The following RAB31 variants were observed in gnomAD, a reference collection of about 807,000 sequenced individuals.
RAB31 encodes the protein ras-related protein Rab-31.
In RAB31, 21 loss-of-function variants were observed where a neutral mutation model predicts 25.6. That is an observed-to-expected ratio of 0.82 (90% CI 0.58 to 1.18). RAB31 has a LOEUF of 1.18. Among genes scored for constraint, RAB31 ranks in the 50% most tolerant of loss-of-function variants. The pLI is 0.00. For synonymous variants in RAB31, 87 were observed against 84.0 expected (o/e 1.04, Z -0.20); for missense variants, 196 against 250.1 (o/e 0.78, Z 1.46).
chr18:9,768,226 G>A (rs1048383514), intron 1 of RAB31, among the ~76,000 whole-genome samples: 3 of 152,178 alleles, frequency 2.0e-5, no homozygotes, highest in Non-Finnish European at 2.9e-5. Context: ...AACCAGTCAT[G>A]GGATTGCTGG....
chr18:9,721,266 G>T (rs747183292), intron 1 of RAB31, among the ~76,000 whole-genome samples: 5 of 152,134 alleles, frequency 3.3e-5, no homozygotes, highest in Non-Finnish European at 5.9e-5. Flanking sequence ...CAACGTTAAC[G>T]TCATTAATAC....
At chr18:9,782,546 C>G (rs1381901392) in intron 2 of RAB31, among the ~76,000 whole-genome samples, 1 of 152,170 alleles carries the variant, frequency 6.6e-6, no homozygotes, top group Non-Finnish European at 1.5e-5. Flanking sequence ...GTGTGTGTCT[C>G]CCTTTTTATT....
chr18:9,795,800 A>G (rs942187104), intron 3 of RAB31, among the ~76,000 whole-genome samples: 3 of 152,244 alleles, frequency 2.0e-5, no homozygotes, highest in African/African-American at 7.2e-5. Context: ...GTAAACTAGT[A>G]TAACCACTGT....
chr18:9,784,749 T>C (rs1462796835), intron 2 of RAB31, among the ~76,000 whole-genome samples: 1 of 151,872 alleles, frequency 6.6e-6, no homozygotes, highest in Non-Finnish European at 1.5e-5. Context: ...GACGTGGTTT[T>C]GCCATGTTGG....
intron 3 of RAB31, among the ~76,000 whole-genome samples, chr18:9,795,504 T>C (rs1023304525): frequency 6.6e-6 from 1 of 151,824 alleles, no homozygotes; most frequent in African/African-American, 2.4e-5. Context: ...AGGACTAATA[T>C]CCAGATCTAC....
intron 1 of RAB31, among the ~76,000 whole-genome samples, chr18:9,747,637 A>G (rs2068212364): frequency 6.6e-6 from 1 of 152,246 alleles, no homozygotes. Flanking sequence ...GATTCCTTTC[A>G]TAGGGCTTGT....
intron 2 of RAB31, among the ~76,000 whole-genome samples, chr18:9,783,329 C>T (rs1375030785): frequency 1.3e-5 from 2 of 152,182 alleles, no homozygotes; most frequent in Admixed American, 1.3e-4. Flanking sequence ...GGCCACTGCA[C>T]TCTTCTTTCA....
chr18:9,760,512 T>A (rs558563094), intron 1 of RAB31, among the ~76,000 whole-genome samples: 1 of 152,306 alleles, frequency 6.6e-6, no homozygotes, highest in East Asian at 1.9e-4. Context: ...TCACTCTTTT[T>A]AAAGAAATTC....
At chr18:9,761,755 A>T (rs933923414) in intron 1 of RAB31, among the ~76,000 whole-genome samples, 1 of 152,228 alleles carries the variant, frequency 6.6e-6, no homozygotes, top group Non-Finnish European at 1.5e-5. Context: ...GCAAGCAGGC[A>T]AAAGGGAGAG....
At position 9,815,288 on chromosome 18, in the gene RAB31, A is replaced by G. The variant is rs918661053; in HGVS notation, c.380+66A>G. 54 of 1,056,854 alleles carry G rather than the reference A, an allele frequency of 5.1e-5. 2 individuals are homozygous for G. The Admixed American group carries it at 5.6e-4, about 11-fold the overall frequency. 65.5% of individuals were successfully genotyped at this position (1,056,854 alleles called of 1,614,324 possible). On this transcript the variant is annotated intron_variant, in intron 5 of 6. Coordinates refer to ENST00000578921, the MANE Select transcript of RAB31 (RefSeq NM_006868.4). Reference sequence around the variant, plus strand: ...CCATCCCTGAGTGTCATCCGTGTAGATACTGTCCTCCATCCCTGAGTGTCA... The same window carrying G: ...CCATCCCTGAGTGTCATCCGTGTAGGTACTGTCCTCCATCCCTGAGTGTCA...
At chr18:9,850,299 T>C (rs1383113235) in intron 6 of RAB31, among the ~76,000 whole-genome samples, 2 of 152,180 alleles carry the variant, frequency 1.3e-5, no homozygotes, top group African/African-American at 4.8e-5. Context: ...TTATTATTTT[T>C]TTATTTTTAG....
intron 1 of RAB31, among the ~76,000 whole-genome samples, chr18:9,741,372 G>T (rs1347061102): frequency 6.2e-5 from 5 of 80,268 alleles, no homozygotes; most frequent in Admixed American, 1.9e-4. Flanking sequence ...GTAAAACTCC[G>T]TCTCAAAAAA....
chr18:9,841,512 CT>C (rs1223523233), intron 5 of RAB31, among the ~76,000 whole-genome samples: 1 of 132,308 alleles, frequency 7.6e-6, no homozygotes, highest in Non-Finnish European at 1.5e-5. Context: ...GCACTCCAGC[CT>C]GGGCGATAGA....
chr18:9,724,292 A>AAAAAAAAAAC (rs2068087266), intron 1 of RAB31, among the ~76,000 whole-genome samples: 1 of 143,480 alleles, frequency 7.0e-6, no homozygotes, highest in Non-Finnish European at 1.5e-5. Context: ...AAAAAACAAA[A>AAAAAAAAAAC]AAAAAACATT....
At chr18:9,815,016 A>G in intron 4 of RAB31, 100 bp from the exon 5 acceptor site, 2 of 851,156 alleles carry the variant, frequency 2.3e-6, no homozygotes, top group Admixed American at 5.4e-5. Context: ...TCTCCTAAAA[A>G]TATTTTTCTC....
intron 2 of RAB31, among the ~76,000 whole-genome samples, chr18:9,778,890 G>C (rs908892269): frequency 2.0e-5 from 3 of 152,150 alleles, no homozygotes; most frequent in African/African-American, 7.2e-5. Context: ...ATTATATACT[G>C]TATTCTTACA....
intron 1 of RAB31, among the ~76,000 whole-genome samples, chr18:9,723,896 G>A (rs986638655): frequency 6.6e-5 from 10 of 152,226 alleles, no homozygotes; most frequent in Non-Finnish European, 8.8e-5. Context: ...ACCTCCCAAC[G>A]CTATTACACT....
chr18:9,813,760 G>A (rs1446491888), intron 3 of RAB31, among the ~76,000 whole-genome samples: 1 of 152,164 alleles, frequency 6.6e-6, no homozygotes, highest in Non-Finnish European at 1.5e-5. Flanking sequence ...GCCAAGGCAT[G>A]AGAATCGCTT....
At position 9,731,771 on chromosome 18, in the gene RAB31, T is replaced by C. The variant is rs549394159; in HGVS notation, c.39+23327T>C. Among the ~76,000 whole-genome samples, 8 of 152,154 alleles carry C rather than the reference T, an allele frequency of 5.3e-5. No homozygotes were observed. The South Asian group carries it at 1.7e-3, about 32-fold the overall frequency. ...GCACCACGCCCAGCTGATTTTTGTA[T>C]TTTTAGTACAGACAGGGTTTTGCCA... On this transcript the variant is annotated intron_variant, in intron 1 of 6. Transcript: ENST00000578921.
Sources: gnomAD v4.1 joint callset for allele counts (sites outside exome capture counted in the v4.1 genomes callset) on GRCh38, gnomAD v4.1.1 for gene constraint, MANE v1.5 for transcripts, NCBI Gene and HGNC (gene_info 2026-07-23, HGNC 2026-07-21) for gene names.